Variants in PCDH19 observed in about 807,000 individuals in gnomAD.
PCDH19 encodes the protein protocadherin-19.
PCDH19 carries 6 observed loss-of-function variants against 46.2 expected under a neutral mutation model. That is an observed-to-expected ratio of 0.13 (90% CI 0.07 to 0.26). PCDH19 has a LOEUF of 0.26. Among genes scored for constraint, PCDH19 ranks in the 10% least tolerant of loss-of-function variants. The pLI is 1.00. For missense variants in PCDH19, 740 were observed against 972.3 expected, an observed-to-expected ratio of 0.76 and a Z score of 3.18; for synonymous variants, 481 against 415.7, an observed-to-expected ratio of 1.16 and a Z score of -1.91.
Position 100,296,242 on chromosome X carries a change from A to C in PCDH19, c.*35T>G. 9.3e-7 allele frequency: 1 copy of C among 1,077,126 alleles called. No individual in the cohort carries two copies. Among genetic ancestry groups the C allele is most frequent in the Non-Finnish European group, 1.3e-6 (1 of 772,442 alleles). The allele number at this position is 1,077,126 out of a possible 1,213,427, so 88.8% of individuals were successfully genotyped here. A position where few individuals can be genotyped will look rare whatever the true frequency, so the allele number is the denominator to read the frequency against. On this transcript the variant is annotated 3_prime_UTR_variant, in exon 6 of 6. Coordinates refer to ENST00000373034, the MANE Select transcript of PCDH19 (RefSeq NM_001184880.2). ...AGAAGCTCCTGCTTCTTCACTAGCC[A>C]GTGTGGTTTCTTTCTCTTCTTCCTG...
chrX:100,304,384 C>A (rs1011315623), intron 5 of PCDH19, among the ~76,000 whole-genome samples: 2 of 111,509 alleles, frequency 1.8e-5, no homozygotes, highest in African/African-American at 6.5e-5. Context: ...AACACCACAT[C>A]AAGGGAGCAC....
intron 5 of PCDH19, among the ~76,000 whole-genome samples, chrX:100,297,194 C>A (rs1924644464): frequency 9.0e-6 from 1 of 111,523 alleles, no homozygotes; most frequent in South Asian, 3.8e-4. Context: ...GCATTTTAAT[C>A]AACAACTCCT....
At chrX:100,356,496 C>T (rs1204860645) in intron 3 of PCDH19, among the ~76,000 whole-genome samples, 1 of 110,767 alleles carries the variant, frequency 9.0e-6, no homozygotes, top group African/African-American at 3.3e-5. Context: ...ACTTCCTACC[C>T]CCAACACATA....
Position 100,406,504 on chromosome X carries a change from G to T in PCDH19, c.2094C>A (p.Phe698Leu). The T allele has an allele frequency of 8.3e-7, 1 of 1,208,273 alleles. No homozygotes were observed. Among genetic ancestry groups the T allele is most frequent in the Non-Finnish European group, 1.1e-6 (1 of 893,649 alleles). ...IAGILFVTMI[F>L]VAIKCKRDNK... The stretch of plus-strand genomic sequence containing the variant: ...TGTCTCGCTTGCACTTGATTGCCAC[G>T]AAGATCATAGTTACAAAGAGGATGC... Residue 698 changes from phenylalanine (F) to leucine (L), a missense_variant, in exon 1 of 6, where the codon TTC (phenylalanine) becomes TTA (leucine). Phe to Leu is a conservative substitution (Grantham distance 22). Coordinates refer to ENST00000373034, the MANE Select transcript of PCDH19 (RefSeq NM_001184880.2).
chrX:100,296,606 C>T lies in PCDH19; in HGVS notation c.3118G>A (p.Asp1040Asn), dbSNP rs764683848. ...RPTLKGKRTV[D>N]VTICSPKVNS... Reference sequence around the variant, plus strand: ...ACCTTGGGGCTGCAGATGGTCACATCGACAGTCCTCTTGCCTTTCAGGGTA... The same window carrying T: ...ACCTTGGGGCTGCAGATGGTCACATTGACAGTCCTCTTGCCTTTCAGGGTA... The change falls in exon 6 of 6, where the codon GAT (aspartate) becomes AAT (asparagine). Residue 1040 changes from aspartate (D) to asparagine (N), a missense_variant. By Grantham distance (23) the Asp-to-Asn change is conservative. This residue lies in a region of PCDH19 where 416 missense variants were observed against 476.8 expected (regional missense o/e 0.87). Transcript: ENST00000373034. 4.1e-6 allele frequency: 5 copies of T among 1,211,534 alleles called. No homozygotes were observed. The highest frequency in any genetic ancestry group is 3.0e-5 in the East Asian group (1 of 33,830).
intron 3 of PCDH19, among the ~76,000 whole-genome samples, chrX:100,363,726 T>A (rs1170001458): frequency 1.0e-5 from 1 of 100,102 alleles, no homozygotes; most frequent in African/African-American, 3.6e-5. Flanking sequence ...ATAATATATT[T>A]ATTTTATATA....
intron 5 of PCDH19, among the ~76,000 whole-genome samples, chrX:100,315,068 ACT>A (rs1219135063): frequency 8.9e-6 from 1 of 111,818 alleles, no homozygotes; most frequent in Non-Finnish European, 1.9e-5. Context: ...AGTGGCCAAG[ACT>A]CTGCCAGAAA....
At chrX:100,381,037 T>C (rs1457448477) in intron 3 of PCDH19, among the ~76,000 whole-genome samples, 1 of 112,316 alleles carries the variant, frequency 8.9e-6, no homozygotes, top group East Asian at 2.8e-4. Context: ...ATTTGATCTA[T>C]TTCTGACCTT....
intron 3 of PCDH19, among the ~76,000 whole-genome samples, chrX:100,360,008 G>C (rs761663688): frequency 1.8e-5 from 2 of 111,372 alleles, no homozygotes; most frequent in Non-Finnish European, 3.8e-5. Flanking sequence ...CCACTTACCA[G>C]CTACAGAGCC....
At chrX:100,406,430 A>T in intron 1 of PCDH19, 21 bp downstream of exon 1, 2 of 1,132,090 alleles carry the variant, frequency 1.8e-6, no homozygotes, top group Non-Finnish European at 1.2e-6. Context: ...TCCAAGACAA[A>T]GAAAGAAAAC....
intron 3 of PCDH19, among the ~76,000 whole-genome samples, chrX:100,352,564 G>A (rs958483785): frequency 8.9e-6 from 1 of 112,137 alleles, no homozygotes; most frequent in Non-Finnish European, 1.9e-5. Context: ...GGTGGGAAGT[G>A]ATTTGATCAT....
Position 100,408,359 on chromosome X carries a change from A to T in PCDH19, c.239T>A (p.Leu80Gln), listed in dbSNP as rs1405458717. Residue 80 changes from leucine (L) to glutamine (Q), a missense_variant, in exon 1 of 6, where the codon CTG becomes CAG. Coordinates refer to ENST00000373034, the MANE Select transcript of PCDH19 (RefSeq NM_001184880.2). ...HLVDINPSSG[L>Q]LVTKQKIDRD... ...GTCAATCTTCTGCTTGGTGACCAGC[A>T]GGCCAGAGCTGGGATTGATGTCCAC... The T allele has an allele frequency of 8.3e-7, 1 of 1,210,098 alleles. No homozygotes were observed. The highest frequency in any genetic ancestry group is 2.2e-5 in the Admixed American group (1 of 46,023).
At chrX:100,351,355 T>C (rs958456607) in intron 3 of PCDH19, among the ~76,000 whole-genome samples, 6 of 112,757 alleles carry the variant, frequency 5.3e-5, no homozygotes, top group African/African-American at 1.9e-4. Flanking sequence ...GCTCCTATCA[T>C]TAGAGCACCC....
At chrX:100,318,715 G>A (rs1569290479) in intron 5 of PCDH19, among the ~76,000 whole-genome samples, 1 of 111,727 alleles carries the variant, frequency 9.0e-6, no homozygotes, top group South Asian at 3.8e-4. Context: ...AGGAAACGAG[G>A]AAAGACTGGG....
chrX:100,382,274 T>C (rs995004220), intron 3 of PCDH19, among the ~76,000 whole-genome samples: 1 of 110,631 alleles, frequency 9.0e-6, no homozygotes, highest in Non-Finnish European at 1.9e-5. Flanking sequence ...CAAGCATAAA[T>C]TGTTCCACAA....
At chrX:100,362,246 T>C in intron 3 of PCDH19, among the ~76,000 whole-genome samples, 1 of 110,886 alleles carries the variant, frequency 9.0e-6, no homozygotes, top group Middle Eastern at 4.6e-3. Context: ...TACACACCTT[T>C]CTCTCGAAGG....
chrX:100,394,110 T>A (rs759664115), intron 3 of PCDH19, among the ~76,000 whole-genome samples: 1 of 111,546 alleles, frequency 9.0e-6, no homozygotes, highest in South Asian at 3.8e-4. Flanking sequence ...GAGGTTGCAG[T>A]GAGCCGAGAT....
chrX:100,407,744 G>T lies in PCDH19; in HGVS notation c.854C>A (p.Thr285Lys). ...YSFYGYVNDR[T>K]RELFQIDPHS... ...CGGGTCGATCTGAAAGAGCTCGCGC[G>T]TGCGGTCGTTGACGTAGCCATAGAA... The change falls in exon 1 of 6, where the codon ACG becomes AAG. Residue 285 changes from threonine (T) to lysine (K), a missense_variant. Thr to Lys is a moderately conservative substitution (Grantham distance 78). This residue lies in a region of PCDH19 where 186 missense variants were observed against 319.9 expected (regional missense o/e 0.58). Coordinates refer to ENST00000373034, the MANE Select transcript of PCDH19 (RefSeq NM_001184880.2). The T allele has an allele frequency of 8.2e-7, 1 of 1,212,314 alleles. No individual in the cohort carries two copies. The highest frequency in any genetic ancestry group is 1.1e-6 in the Non-Finnish European group (1 of 895,627).
rs147200556 is a variant in PCDH19 at position 100,375,756 on chromosome X, C to T, written c.2617-25052G>A. On this transcript the variant is annotated intron_variant, in intron 3 of 5. Transcript: ENST00000373034. ...TCGGAAAAGAAAACCTCCCTGACTACTGGTGATAACCATGGACAAGAAAGT... is the reference window on the plus strand; with the variant it reads ...TCGGAAAAGAAAACCTCCCTGACTATTGGTGATAACCATGGACAAGAAAGT... Among the ~76,000 whole-genome samples the T allele has an allele frequency of 4.5e-5, 5 of 112,087 alleles. No individual in the cohort carries two copies. In the East Asian group the frequency reaches 1.4e-3, roughly 32 times the overall value.
Sources: allele counts gnomAD v4.1 joint callset (sites outside exome capture counted in the v4.1 genomes callset), GRCh38; gene constraint gnomAD v4.1.1; regional missense constraint gnomAD v4.1.1; transcripts MANE v1.5; gene names NCBI Gene and HGNC (gene_info 2026-07-23, HGNC 2026-07-21).